The following MSI2 variants were observed in gnomAD, a reference collection of about 807,000 sequenced individuals.
MSI2 encodes musashi RNA binding protein 2.
MSI2 carries 17 observed loss-of-function variants against 45.6 expected under a neutral mutation model. The observed-to-expected ratio is 0.37, with a 90% CI of 0.26 to 0.56. The LOEUF is 0.56. Among genes scored for constraint, MSI2 ranks in the 20% least tolerant of loss-of-function variants. The probability of loss-of-function intolerance (pLI) is 0.77; values close to 1 mark genes in which losing one functional copy is unlikely to be tolerated. For missense variants in MSI2, 293 were observed against 444.2 expected (o/e 0.66, Z 3.06); for synonymous variants, 156 against 158.2 (o/e 0.99, Z 0.11).
At chr17:57,470,209 A>G (rs1447372610) in intron 6 of MSI2, among the ~76,000 whole-genome samples, 1 of 152,322 alleles carries the variant, frequency 6.6e-6, no homozygotes, top group African/African-American at 2.4e-5. Context: ...CAGCCTCTCT[A>G]TCCTCACCAG....
the MSI2 span, among the ~76,000 whole-genome samples, chr17:57,693,388 GC>G: frequency 1.3e-5 from 2 of 148,628 alleles, no homozygotes; most frequent in Non-Finnish European, 3.0e-5. Flanking sequence ...CACCATGTTG[GC>G]CAGGCTGGTC....
chr17:57,495,546 A>AAAC (rs1451413162), intron 6 of MSI2, among the ~76,000 whole-genome samples: 14 of 149,578 alleles, frequency 9.4e-5, no homozygotes, highest in Non-Finnish European at 1.6e-4. Flanking sequence ...AAAAAAAAAA[A>AAAC]AAAAAAGAAA....
intron 7 of MSI2, among the ~76,000 whole-genome samples, chr17:57,549,731 T>C (rs1390894183): frequency 6.6e-6 from 1 of 151,932 alleles, no homozygotes; most frequent in Admixed American, 6.6e-5. Context: ...CAGTAGGAGG[T>C]GGAGATTGGG....
At chr17:57,331,367 G>C (rs887697445) in intron 5 of MSI2, among the ~76,000 whole-genome samples, 2 of 152,184 alleles carry the variant, frequency 1.3e-5, no homozygotes, top group African/African-American at 2.4e-5. Context: ...TCTGAGCTGG[G>C]GAGGGGGCAG....
intron 6 of MSI2, among the ~76,000 whole-genome samples, chr17:57,438,820 TGC>T (rs2084741180): frequency 6.7e-6 from 1 of 150,198 alleles, no homozygotes. Flanking sequence ...TTTTTGAGAC[TGC>T]GTTTGTTTCA....
chr17:57,517,483 A>T (rs1041828881), intron 6 of MSI2, among the ~76,000 whole-genome samples: 1 of 152,162 alleles, frequency 6.6e-6, no homozygotes, highest in Admixed American at 6.5e-5. Context: ...CTTGTCCGAG[A>T]GGGCGGGGCA....
intron 9 of MSI2, among the ~76,000 whole-genome samples, chr17:57,623,801 G>C (rs909893937): frequency 1.3e-5 from 2 of 152,218 alleles, no homozygotes; most frequent in Non-Finnish European, 2.9e-5. Context: ...AATTTCCCCC[G>C]TGTGGCTGGG....
intron 6 of MSI2, among the ~76,000 whole-genome samples, chr17:57,415,115 A>T (rs541765499): frequency 6.6e-6 from 1 of 152,222 alleles, no homozygotes; most frequent in South Asian, 2.1e-4. Context: ...ATCTAGGCTC[A>T]TAGATGTTAT....
At chr17:57,487,399 C>A (rs1304652130) in intron 6 of MSI2, among the ~76,000 whole-genome samples, 1 of 152,172 alleles carries the variant, frequency 6.6e-6, no homozygotes, top group Non-Finnish European at 1.5e-5. Context: ...AGTTATCAGT[C>A]TTTCTATTGC....
At chr17:57,455,561 G>T (rs570474265) in intron 6 of MSI2, among the ~76,000 whole-genome samples, 1 of 152,204 alleles carries the variant, frequency 6.6e-6, no homozygotes, top group African/African-American at 2.4e-5. Context: ...TTAAACAAGC[G>T]CAGTTCTCTC....
intron 10 of MSI2, 107 bp from the exon 11 acceptor site, chr17:57,651,992 C>T (rs1387148791): frequency 1.9e-6 from 2 of 1,032,132 alleles, no homozygotes; most frequent in Non-Finnish European, 3.0e-6. Context: ...CCTTCCCACT[C>T]CTGTCTTTGT....
intron 5 of MSI2, among the ~76,000 whole-genome samples, chr17:57,396,823 G>A (rs184610022): frequency 6.6e-5 from 10 of 152,254 alleles, no homozygotes; most frequent in East Asian, 1.9e-4. Context: ...ACATGCACAC[G>A]GACACCTCCT....
chr17:57,458,643 G>A (rs1352231164), intron 6 of MSI2, among the ~76,000 whole-genome samples: 1 of 152,150 alleles, frequency 6.6e-6, no homozygotes, highest in African/African-American at 2.4e-5. Flanking sequence ...AATACTCTCT[G>A]TGTTCCATGC....
At chr17:57,689,065 A>C (rs1172728396), downstream of MSI2, among the ~76,000 whole-genome samples, 1 of 152,166 alleles carries the variant, frequency 6.6e-6, no homozygotes, top group Non-Finnish European at 1.5e-5. Flanking sequence ...AGAAGTGTGG[A>C]TTTGTATATT....
chr17:57,690,556 C>T, the MSI2 span, among the ~76,000 whole-genome samples: 2 of 152,106 alleles, frequency 1.3e-5, no homozygotes, highest in Non-Finnish European at 2.9e-5. Flanking sequence ...GAGGCTGAGG[C>T]TGCCGTATGT....
At chr17:57,587,946 A>G (rs372531411) in intron 7 of MSI2, among the ~76,000 whole-genome samples, 3 of 152,082 alleles carry the variant, frequency 2.0e-5, no homozygotes, top group East Asian at 1.9e-4. Flanking sequence ...ATTATAGTTT[A>G]CAGCAACCAG....
At chr17:57,334,172 G>C (rs1914506523) in intron 5 of MSI2, among the ~76,000 whole-genome samples, 1 of 152,194 alleles carries the variant, frequency 6.6e-6, no homozygotes, top group Admixed American at 6.5e-5. Context: ...TTCGGAGTTT[G>C]AAATAAGATA....
At chr17:57,288,323 T>C (rs1373150174) in intron 5 of MSI2, among the ~76,000 whole-genome samples, 1 of 151,930 alleles carries the variant, frequency 6.6e-6, no homozygotes, top group Non-Finnish European at 1.5e-5. Context: ...AGGGAGGAGG[T>C]CGTGCAGTTA....
At chr17:57,434,636 A>G (rs1236304984) in intron 6 of MSI2, among the ~76,000 whole-genome samples, 1 of 152,074 alleles carries the variant, frequency 6.6e-6, no homozygotes, top group African/African-American at 2.4e-5. Flanking sequence ...AAGATTCCAC[A>G]TGTAAGTGAG....
Sources: allele counts gnomAD v4.1 joint callset (sites outside exome capture counted in the v4.1 genomes callset), GRCh38; gene constraint gnomAD v4.1.1; transcripts MANE v1.5; gene names NCBI Gene and HGNC (gene_info 2026-07-23, HGNC 2026-07-21).